MYBPHL: variants seen among roughly 807,000 people sequenced by gnomAD.
MYBPHL encodes the protein myosin-binding protein H-like.
MYBPHL carries 32 observed loss-of-function variants against 39.5 expected under a neutral mutation model. That is an observed-to-expected ratio of 0.81 (90% CI 0.61 to 1.09). MYBPHL has a LOEUF of 1.09. Among genes scored for constraint, MYBPHL ranks in the 50% least tolerant of loss-of-function variants. The pLI is 0.00. For missense variants in MYBPHL, 456 were observed against 460.2 expected, an observed-to-expected ratio of 0.99 and a Z score of 0.08; for synonymous variants, 196 against 183.7, an observed-to-expected ratio of 1.07 and a Z score of -0.54.
chr1:109,296,656 C>G, intron 5 of MYBPHL, 127 bp downstream of exon 5: 3 of 1,155,950 alleles, frequency 2.6e-6, no homozygotes, highest in Non-Finnish European at 2.5e-6. Context: ...CCAGGCTGGT[C>G]TTGAACTCCT....
chr1:109,299,370 C>G (rs1341694649), intron 1 of MYBPHL, among the ~76,000 whole-genome samples: 1 of 152,240 alleles, frequency 6.6e-6, no homozygotes, highest in Non-Finnish European at 1.5e-5. Context: ...ATAGCACACA[C>G]TTCTGTGAAA....
At chr1:109,296,593 C>G (rs929234657) in intron 5 of MYBPHL, among the ~76,000 whole-genome samples, 190 bp downstream of exon 5, 1 of 152,112 alleles carries the variant, frequency 6.6e-6, no homozygotes, top group Admixed American at 6.5e-5. Flanking sequence ...CGTGCACCAC[C>G]ATGCCTGGCT....
chr1:109,297,569 C>T lies in MYBPHL; in HGVS notation c.283G>A (p.Asp95Asn). Reference protein sequence around the residue: ...AIWTHDGCALDTRRVSVRNGE... With the variant: ...AIWTHDGCALNTRRVSVRNGE... Reference sequence around the variant, plus strand: ...TTCCGCACACTCACACGCCTGGTGTCCAAGGCACAGCCATCATGTGTCCAG... The same window carrying T: ...TTCCGCACACTCACACGCCTGGTGTTCAAGGCACAGCCATCATGTGTCCAG... Residue 95 changes from aspartate to asparagine, a missense_variant, in exon 3 of 9, where the codon GAC becomes AAC. Asp to Asn is a conservative substitution (Grantham distance 23, BLOSUM62 1). Transcript: ENST00000357155. The T allele has an allele frequency of 6.2e-7, 1 of 1,613,880 alleles. No individual in the cohort carries two copies. Among genetic ancestry groups the T allele is most frequent in the Non-Finnish European group, 8.5e-7 (1 of 1,180,022 alleles).
rs1034336901 is a variant in MYBPHL, at chr1:109,298,214, G to A, written c.189C>T (p.Tyr63=). 6 of 1,610,232 alleles carry A rather than the reference G, an allele frequency of 3.7e-6. No homozygotes were observed. Among genetic ancestry groups the A allele is most frequent in the Non-Finnish European group, 3.4e-6 (4 of 1,178,414 alleles). ...IWLPRALRQT[Y]IRKVGDTVNL... ...TCACTGTGTCCCCAACCTTCCGGAT[G>A]TAGGTCTGCCTCAGGGCCCGAGGTA... is the stretch of plus-strand genomic sequence containing the variant. Residue 63 remains tyrosine, a synonymous_variant, in exon 2 of 9, where the codon TAC becomes TAT. Coordinates refer to ENST00000357155, the MANE Select transcript of MYBPHL (RefSeq NM_001010985.3).
chr1:109,294,156 G>T, intron 8 of MYBPHL, 50 bp downstream of exon 8: 1 of 1,229,570 alleles, frequency 8.1e-7, no homozygotes, highest in African/African-American at 1.5e-5. Flanking sequence ...AACAACACTA[G>T]CCATAAACAG....
At chr1:109,293,045 A>G (rs1008500626) in intron 8 of MYBPHL, 2 of 152,092 alleles carry the variant, frequency 1.3e-5, no homozygotes, top group African/African-American at 4.8e-5. Context: ...GAGAAAGAGG[A>G]TTTTCTTCTC....
chr1:109,298,895 C>G (rs1019409189), intron 1 of MYBPHL, among the ~76,000 whole-genome samples: 9 of 152,326 alleles, frequency 5.9e-5, no homozygotes, highest in African/African-American at 2.2e-4. Flanking sequence ...TGTACAGATT[C>G]TGGGACAGAT....
At chr1:109,294,063 CA>C (rs907574517) in intron 8 of MYBPHL, 142 bp downstream of exon 8, 6,751 of 529,516 alleles carry the variant, frequency 0.013, no homozygotes, top group South Asian at 0.018. Context: ...GACATCATTT[CA>C]AAAAAAAAAT....
rs767429622 is a variant in MYBPHL, at chr1:109,296,303, A to G, written c.798T>C (p.Pro266=). The G allele has an allele frequency of 4.7e-5, 76 of 1,614,002 alleles. No homozygotes were observed. Among genetic ancestry groups the G allele is most frequent in the Non-Finnish European group, 5.9e-6 (7 of 1,180,018 alleles). ...DFSEAPKFTQ[P]LADCTTVTGY... ...CGGTGACTGTAGTGCAGTCGGCCAG[A>G]GGCTGGGTAAACTTTGGGGCTTCAG... Residue 266 remains proline, a synonymous_variant, in exon 6 of 9, where the codon CCT becomes CCC. Coordinates refer to ENST00000357155, the MANE Select transcript of MYBPHL (RefSeq NM_001010985.3).
intron 1 of MYBPHL, among the ~76,000 whole-genome samples, chr1:109,305,770 T>C (rs1181190440): frequency 1.3e-5 from 2 of 152,228 alleles, no homozygotes; most frequent in African/African-American, 4.8e-5. Context: ...CCCATGAGGA[T>C]AAGAGGCAGA....
chr1:109,297,579 G>C lies in MYBPHL; in HGVS notation c.273C>G (p.Gly91=). The C allele has an allele frequency of 6.2e-7, 1 of 1,613,862 alleles. No individual in the cohort carries two copies. Among genetic ancestry groups the C allele is most frequent in the East Asian group, 2.2e-5 (1 of 44,884 alleles). Residue 91 remains glycine (G), a synonymous_variant, in exon 3 of 9, where the codon GGC becomes GGG. Transcript: ENST00000357155. ...PKPQAIWTHD[G]CALDTRRVSV... is the part of the protein sequence containing the mutation. ...TCACACGCCTGGTGTCCAAGGCACA[G>C]CCATCATGTGTCCAGATGGCTTGAG...
At chr1:109,302,255 C>A (rs1658318795) in intron 1 of MYBPHL, among the ~76,000 whole-genome samples, 1 of 152,072 alleles carries the variant, frequency 6.6e-6, no homozygotes, top group Admixed American at 6.6e-5. Context: ...CTAGCTATGG[C>A]TTTGAAACTA....
chr1:109,304,256 T>C (rs1251445651), intron 1 of MYBPHL, among the ~76,000 whole-genome samples: 3 of 151,808 alleles, frequency 2.0e-5, no homozygotes, highest in Non-Finnish European at 4.4e-5. Context: ...GCCTGGCACA[T>C]CATAGGCACA....
chr1:109,294,890 A>G (rs1219326619), intron 7 of MYBPHL, among the ~76,000 whole-genome samples: 1 of 152,198 alleles, frequency 6.6e-6, no homozygotes, highest in Non-Finnish European at 1.5e-5. Flanking sequence ...CAAAATGGAA[A>G]TAAGAATTCT....
In MYBPHL at chr1:109,297,391, AC is replaced by A. The variant is rs759147809; in HGVS notation, c.430+30del. On this transcript the variant is annotated intron_variant, in intron 3 of 8. Coordinates refer to ENST00000357155, the MANE Select transcript of MYBPHL (RefSeq NM_001010985.3). ...CAGCCTGGAGAGGGAGTTCCTGAGG[AC>A]CCCCCCATCTCCCACTTCCCCCACC... The A allele has an allele frequency of 8.7e-5, 138 of 1,591,870 alleles. No individual in the cohort carries two copies. In the Middle Eastern group the frequency reaches 8.7e-4, roughly 10 times the overall value.
intron 2 of MYBPHL, 138 bp downstream of exon 2, chr1:109,298,031 G>T: frequency 1.4e-6 from 1 of 724,386 alleles, no homozygotes. Flanking sequence ...TTTGGCCTCA[G>T]ACTTCTGGTG....
At chr1:109,296,998 G>C (rs1658097994) in intron 4 of MYBPHL, 52 bp downstream of exon 4, 1 of 1,613,814 alleles carries the variant, frequency 6.2e-7, no homozygotes, top group Non-Finnish European at 8.5e-7. Context: ...GCTACCAGAG[G>C]CCTGTCCCAA....
At chr1:109,296,993 C>G (rs763277166) in intron 4 of MYBPHL, 51 bp from the exon 5 acceptor site, 1 of 1,613,926 alleles carries the variant, frequency 6.2e-7, no homozygotes, top group Non-Finnish European at 8.5e-7. Flanking sequence ...GTGGAGCTAC[C>G]AGAGGCCTGT....
Position 109,297,492 on chromosome 1 carries a change from T to C in MYBPHL, c.360A>G (p.Ser120=), listed in dbSNP as rs1214656645. ...GCTGCACGCGGAGTTGGTAGCGACC[T>C]GAGTCAGCACGTTGGGCTTCTCGGA... ...LFIREAQRAD[S]GRYQLRVQLG... The change falls in exon 3 of 9, where the codon TCA becomes TCG. Residue 120 remains serine (S), a synonymous_variant. Coordinates refer to ENST00000357155, the MANE Select transcript of MYBPHL (RefSeq NM_001010985.3). The C allele has an allele frequency of 1.9e-6, 3 of 1,613,676 alleles. No homozygotes were observed. The highest frequency in any genetic ancestry group is 1.3e-5 in the African/African-American group (1 of 75,044).
Sources: gnomAD v4.1 joint callset for allele counts (sites outside exome capture counted in the v4.1 genomes callset) on GRCh38, gnomAD v4.1.1 for gene constraint, MANE v1.5 for transcripts, NCBI Gene and HGNC (gene_info 2026-07-23, HGNC 2026-07-21) for gene names.